TAX1BP1: variants seen among roughly 807,000 people sequenced by gnomAD.
TAX1BP1 encodes tax1-binding protein 1.
Under a neutral mutation model 97.7 loss-of-function variants are expected in TAX1BP1, and 62 were observed. The observed-to-expected ratio is 0.63, with a 90% CI of 0.52 to 0.78. The LOEUF (loss-of-function observed/expected upper bound fraction) is 0.78, where lower values mean the gene tolerates loss of function less well. Among genes scored for constraint, TAX1BP1 ranks in the 30% least tolerant of loss-of-function variants. TAX1BP1 has a pLI of 0.00. For synonymous variants in TAX1BP1, 340 were observed against 304.2 expected, an observed-to-expected ratio of 1.12 and a Z score of -1.23; for missense variants, 867 against 916.1, an observed-to-expected ratio of 0.95 and a Z score of 0.69.
chr7:27,783,862 CATT>C (rs1222258190), intron 5 of TAX1BP1, among the ~76,000 whole-genome samples: 1 of 152,136 alleles, frequency 6.6e-6, no homozygotes, highest in Non-Finnish European at 1.5e-5. Flanking sequence ...TCACAGCAAT[CATT>C]ATGATTGCAG....
At chr7:27,824,908 G>C (rs1490265167) in intron 15 of TAX1BP1, among the ~76,000 whole-genome samples, 1 of 152,120 alleles carries the variant, frequency 6.6e-6, no homozygotes, top group African/African-American at 2.4e-5. Context: ...TTGCTTACAA[G>C]ATTATTTTAG....
chr7:27,822,492 A>G (rs1791015994), intron 15 of TAX1BP1, among the ~76,000 whole-genome samples: 1 of 152,158 alleles, frequency 6.6e-6, no homozygotes, highest in South Asian at 2.1e-4. Context: ...CTACATTCCC[A>G]TCAGTAGTGT....
At chr7:27,802,364 T>A (rs148342047) in intron 13 of TAX1BP1, among the ~76,000 whole-genome samples, 124 of 152,246 alleles carry the variant, frequency 8.1e-4, no homozygotes, top group African/African-American at 2.6e-3. Context: ...TTTGGGTACC[T>A]TCCCTGATCA....
intron 1 of TAX1BP1, among the ~76,000 whole-genome samples, 154 bp from the exon 2 acceptor site, chr7:27,748,364 A>G (rs930999905): frequency 1.3e-5 from 2 of 152,142 alleles, no homozygotes; most frequent in African/African-American, 4.8e-5. Context: ...TATTTAATCA[A>G]TTTTTAAGAA....
chr7:27,808,904 G>C (rs1048097526), intron 13 of TAX1BP1, among the ~76,000 whole-genome samples: 2 of 152,154 alleles, frequency 1.3e-5, no homozygotes, highest in Non-Finnish European at 2.9e-5. Flanking sequence ...AAGTAGGAGA[G>C]GTCCCCCAGG....
At chr7:27,810,129 G>A (rs946427738) in intron 13 of TAX1BP1, among the ~76,000 whole-genome samples, 11 of 151,262 alleles carry the variant, frequency 7.3e-5, no homozygotes, top group African/African-American at 2.7e-4. Context: ...GGATGGTCTT[G>A]ATCTCCTGAC....
rs1419203244 is a variant in TAX1BP1, at chr7:27,816,998, T to G, written c.2045T>G (p.Phe682Cys). 6.2e-7 allele frequency: 1 copy of G among 1,614,042 alleles called. No individual in the cohort carries two copies. The highest frequency in any genetic ancestry group is 1.1e-5 in the South Asian group (1 of 91,086). The change falls in exon 15 of 17, where the codon TTT becomes TGT. Residue 682 changes from phenylalanine to cysteine, a missense_variant. By Grantham distance (205) the Phe-to-Cys change is radical. Around this residue, in one of 3 missense-constraint regions of TAX1BP1, gnomAD observed 822 missense variants for 851.4 expected, o/e 0.97. Transcript: ENST00000396319. ...NVVCSQPARN[F>C]SRPDGLEDSE... ...GTCTGCAGCCAGCCTGCTCGAAACT[T>G]TAGTCGGCCTGATGGCTTAGAGGAC...
At chr7:27,773,375 T>C (rs1788915025) in intron 5 of TAX1BP1, among the ~76,000 whole-genome samples, 1 of 152,102 alleles carries the variant, frequency 6.6e-6, no homozygotes, top group Admixed American at 6.6e-5. Flanking sequence ...ATGCAACCAT[T>C]ACCATAGTCT....
At position 27,787,747 on chromosome 7, in the gene TAX1BP1, A is replaced by C. The variant is rs73295585; in HGVS notation, c.1038+144A>C. The C allele has an allele frequency of 1.2e-3, 849 of 715,558 alleles. 7 individuals are homozygous for C. The African/African-American group carries it at 0.014, about 12-fold the overall frequency. 44.3% of individuals were successfully genotyped at this position (715,558 alleles called of 1,614,324 possible). A position where few individuals can be genotyped will look rare whatever the true frequency, so the allele number is the denominator to read the frequency against. ...AACAGTTGGAAGAACAGAACAATGA[A>C]TACTGATGTACCCTAAAATATTTTG... On this transcript the variant is annotated intron_variant, in intron 8 of 16. Transcript: ENST00000396319.
At position 27,817,021 on chromosome 7, in the gene TAX1BP1, G is replaced by C. The variant is rs1339081304; in HGVS notation, c.2068G>C (p.Asp690His). Reference sequence around the variant, plus strand: ...CTTTAGTCGGCCTGATGGCTTAGAGGACTCTGAGGATAGCAAAGTAAATTG... The same window carrying C: ...CTTTAGTCGGCCTGATGGCTTAGAGCACTCTGAGGATAGCAAAGTAAATTG... ...RNFSRPDGLE[D>H]SEDSKEDENV... is the part of the protein sequence containing the mutation. The change falls in exon 15 of 17, where the codon GAC (aspartate) becomes CAC (histidine). Residue 690 changes from aspartate to histidine, a missense_variant. Around this residue, in one of 3 missense-constraint regions of TAX1BP1, gnomAD observed 822 missense variants for 851.4 expected, o/e 0.97. Coordinates refer to ENST00000396319, the MANE Select transcript of TAX1BP1 (RefSeq NM_006024.7). The C allele has an allele frequency of 1.2e-6, 2 of 1,607,056 alleles. No homozygotes were observed. Among genetic ancestry groups the C allele is most frequent in the Admixed American group, 3.5e-5 (2 of 56,826 alleles).
At chr7:27,807,589 G>C (rs1183232123) in intron 13 of TAX1BP1, among the ~76,000 whole-genome samples, 1 of 152,006 alleles carries the variant, frequency 6.6e-6, no homozygotes, top group African/African-American at 2.4e-5. Context: ...CTCAATACTG[G>C]TGATCTTTCA....
At chr7:27,793,699 AG>A (rs1460787441) in intron 10 of TAX1BP1, among the ~76,000 whole-genome samples, 2 of 152,224 alleles carry the variant, frequency 1.3e-5, no homozygotes, top group African/African-American at 4.8e-5. Flanking sequence ...ATTTGAGAAT[AG>A]GTAGGTAGAT....
rs1308045813 is a variant in TAX1BP1, at chr7:27,801,084, A to G, written c.1764+994A>G. On this transcript the variant is annotated intron_variant, in intron 13 of 16. Transcript: ENST00000396319. ...ATGCCATTGCACTCCAGCCCGGGTGACAGTGTGAGACTCCGTCTCAAAAAA... is the reference window on the plus strand; with the variant it reads ...ATGCCATTGCACTCCAGCCCGGGTGGCAGTGTGAGACTCCGTCTCAAAAAA... 4.7e-5 allele frequency among the ~76,000 whole-genome samples: 7 copies of G among 148,512 alleles called. No individual in the cohort carries two copies. In the Admixed American group the frequency reaches 4.7e-4, roughly 10 times the overall value.
At chr7:27,771,089 A>G (rs1163055236) in intron 5 of TAX1BP1, among the ~76,000 whole-genome samples, 3 of 122,026 alleles carry the variant, frequency 2.5e-5, no homozygotes, top group Non-Finnish European at 5.0e-5. Flanking sequence ...CTATTAGGAC[A>G]TTCAGCAATT....
At chr7:27,756,606 A>G (rs1788225729) in intron 2 of TAX1BP1, among the ~76,000 whole-genome samples, 1 of 152,168 alleles carries the variant, frequency 6.6e-6, no homozygotes, top group African/African-American at 2.4e-5. Flanking sequence ...CTAGCAAATT[A>G]TCTTTTCTGG....
chr7:27,766,069 G>A, intron 4 of TAX1BP1, 48 bp downstream of exon 4: 1 of 1,556,236 alleles, frequency 6.4e-7, no homozygotes, highest in Non-Finnish European at 8.7e-7. Flanking sequence ...TTTAAGAACA[G>A]AGCTCATGTT....
At chr7:27,745,751 T>A (rs1462023129) in intron 1 of TAX1BP1, among the ~76,000 whole-genome samples, 1 of 152,082 alleles carries the variant, frequency 6.6e-6, no homozygotes, top group Non-Finnish European at 1.5e-5. Flanking sequence ...AAAAATGGAA[T>A]TTCTTGTTAA....
intron 14 of TAX1BP1, 81 bp downstream of exon 14, chr7:27,816,601 G>C (rs1180080154): frequency 1.6e-6 from 2 of 1,239,476 alleles, no homozygotes; most frequent in African/African-American, 1.6e-5. Flanking sequence ...TTAGCAAACT[G>C]CTGGTATAAT....
intron 4 of TAX1BP1, among the ~76,000 whole-genome samples, chr7:27,768,676 C>G (rs760125391): frequency 4.6e-5 from 7 of 151,984 alleles, no homozygotes; most frequent in Middle Eastern, 3.4e-3. Flanking sequence ...TATTTCAAAT[C>G]ATTTTTTAAA....
Sources: gnomAD v4.1 joint callset for allele counts (sites outside exome capture counted in the v4.1 genomes callset) on GRCh38, gnomAD v4.1.1 for gene constraint, gnomAD v4.1.1 regional missense constraint, MANE v1.5 for transcripts, NCBI Gene and HGNC (gene_info 2026-07-23, HGNC 2026-07-21) for gene names.